The following PAIP2B variants were observed in gnomAD, a reference collection of about 807,000 sequenced individuals.
The protein encoded by PAIP2B is polyadenylate-binding protein-interacting protein 2B.
PAIP2B carries 13 observed loss-of-function variants against 17.0 expected under a neutral mutation model. The ratio of observed to expected loss-of-function variants is 0.76; its 90% CI spans 0.50 to 1.22. The LOEUF is 1.22. PAIP2B is among the 50% of genes most tolerant of loss of function. PAIP2B has a pLI of 0.00. For synonymous variants in PAIP2B, 43 were observed against 48.7 expected (o/e 0.88, Z 0.48); for missense variants, 117 against 144.5 (o/e 0.81, Z 0.98).
At chr2:71,199,384 C>T (rs762275187) in intron 2 of PAIP2B, among the ~76,000 whole-genome samples, 24 of 147,714 alleles carry the variant, frequency 1.6e-4, no homozygotes, top group African/African-American at 5.3e-4. Context: ...AGACACCCAA[C>T]GGGAAAATGA....
At chr2:71,215,255 G>A (rs973964809) in intron 1 of PAIP2B, among the ~76,000 whole-genome samples, 1 of 151,842 alleles carries the variant, frequency 6.6e-6, no homozygotes, top group Non-Finnish European at 1.5e-5. Flanking sequence ...CCAAGATCGT[G>A]CCACCGTACT....
At chr2:71,216,980 T>C (rs566006624) in intron 1 of PAIP2B, among the ~76,000 whole-genome samples, 1 of 152,356 alleles carries the variant, frequency 6.6e-6, no homozygotes, top group South Asian at 2.1e-4. Context: ...ACTGCTCTGA[T>C]ACAAAACCAT....
At position 71,187,492 on chromosome 2, in the gene PAIP2B, A is replaced by G. The variant is rs114633839; in HGVS notation, c.*987T>C. On this transcript the variant is annotated 3_prime_UTR_variant, in exon 4 of 4. Coordinates refer to ENST00000244221, the MANE Select transcript of PAIP2B (RefSeq NM_020459.1). ...TGTCCTGAAAAATATTTCCTTAAAA[A>G]AGTGCATAAACTTGTCTGAGGGAAT... 6.6e-6 allele frequency: 1 copy of G among 152,198 alleles called. No individual in the cohort carries two copies. Among genetic ancestry groups the G allele is most frequent in the Non-Finnish European group, 1.5e-5 (1 of 68,034 alleles). 9.4% of individuals were successfully genotyped at this position (152,198 alleles called of 1,614,324 possible).
At chr2:71,216,528 C>T (rs770217034) in intron 1 of PAIP2B, among the ~76,000 whole-genome samples, 3 of 151,684 alleles carry the variant, frequency 2.0e-5, no homozygotes, top group Non-Finnish European at 4.4e-5. Flanking sequence ...TTTCTCATCC[C>T]AGACCAAAGA....
At chr2:71,224,173 A>G (rs1347422625) in intron 1 of PAIP2B, among the ~76,000 whole-genome samples, 1 of 152,250 alleles carries the variant, frequency 6.6e-6, no homozygotes, top group Non-Finnish European at 1.5e-5. Context: ...CTCTGGGGCC[A>G]TCTGGACGAG....
intron 2 of PAIP2B, among the ~76,000 whole-genome samples, chr2:71,201,036 T>A (rs925818057): frequency 6.7e-6 from 1 of 149,876 alleles, no homozygotes; most frequent in African/African-American, 2.5e-5. Flanking sequence ...TGTGTGTGTG[T>A]GTGTGTGTGA....
At position 71,185,031 on chromosome 2, in the gene PAIP2B, T is replaced by C. The variant is rs34938331; in HGVS notation, c.*3448A>G. The C allele has an allele frequency of 0.065, 9,912 of 152,216 alleles. 354 individuals carry two copies. Among genetic ancestry groups the C allele is most frequent in the African/African-American group, 0.087 (3,623 of 41,526 alleles). 9.4% of individuals were successfully genotyped at this position (152,216 alleles called of 1,614,324 possible). ...CCTGATGGTTCAGGAGCCTGGGCTG[T>C]CATTTGTCTACCTGGGGTTTGCAGC... On this transcript the variant is annotated 3_prime_UTR_variant, in exon 4 of 4. Coordinates refer to ENST00000244221, the MANE Select transcript of PAIP2B (RefSeq NM_020459.1).
intron 1 of PAIP2B, among the ~76,000 whole-genome samples, chr2:71,220,831 CTAA>C (rs1675564416): frequency 1.3e-5 from 2 of 152,174 alleles, no homozygotes; most frequent in African/African-American, 4.8e-5. Context: ...CCATATATTA[CTAA>C]TTATTCCTTT....
chr2:71,186,407 C>T lies in PAIP2B; in HGVS notation c.*2072G>A, dbSNP rs1359270358. 1 of 152,224 alleles carries T rather than the reference C, an allele frequency of 6.6e-6. No homozygotes were observed. The highest frequency in any genetic ancestry group is 2.4e-5 in the African/African-American group (1 of 41,450). 9.4% of individuals were successfully genotyped at this position (152,224 alleles called of 1,614,324 possible). On this transcript the variant is annotated 3_prime_UTR_variant, in exon 4 of 4. Transcript: ENST00000244221. ...TCTGAAGAAGACTAGAAATGCCAGC[C>T]CTCAGTGTCCATGCTAAACTGGCAG...
Position 71,226,975 on chromosome 2 carries a change from C to G in PAIP2B, c.-59G>C, listed in dbSNP as rs910681070. Reference sequence around the variant, plus strand: ...CTTCAGATCGTACTCTGCCACTCCTCCGAGAGCTTAAGCCGTTGCCGTAGA... The same window carrying G: ...CTTCAGATCGTACTCTGCCACTCCTGCGAGAGCTTAAGCCGTTGCCGTAGA... On this transcript the variant is annotated 5_prime_UTR_variant, in exon 1 of 4. Coordinates refer to ENST00000244221, the MANE Select transcript of PAIP2B (RefSeq NM_020459.1). 2 of 153,034 alleles carry G rather than the reference C, an allele frequency of 1.3e-5. No individual in the cohort carries two copies. The highest frequency in any genetic ancestry group is 4.8e-5 in the African/African-American group (2 of 41,466). 9.5% of individuals were successfully genotyped at this position (153,034 alleles called of 1,614,324 possible).
intron 1 of PAIP2B, among the ~76,000 whole-genome samples, chr2:71,215,165 G>T (rs1364478800): frequency 1.3e-5 from 2 of 152,060 alleles, no homozygotes; most frequent in Non-Finnish European, 2.9e-5. Context: ...CCTGGGACTG[G>T]CACTGATCTG....
At chr2:71,197,616 C>T (rs1384112707) in intron 2 of PAIP2B, among the ~76,000 whole-genome samples, 1 of 152,166 alleles carries the variant, frequency 6.6e-6, no homozygotes, top group Non-Finnish European at 1.5e-5. Context: ...TGTTTTCACA[C>T]TGCTGATAAA....
In PAIP2B at chr2:71,186,796, A is replaced by G. The variant is rs372628804; in HGVS notation, c.*1683T>C. On this transcript the variant is annotated 3_prime_UTR_variant, in exon 4 of 4. Transcript: ENST00000244221. ...TGCAAGTTCTCTAAGCTACTCTCCT[A>G]TGACATGTGACCTAACAAGGAAGGC... The G allele has an allele frequency of 2.8e-4, 42 of 152,342 alleles. No individual in the cohort carries two copies. The highest frequency in any genetic ancestry group is 1.0e-3 in the African/African-American group (42 of 41,572). The allele number at this position is 152,342 out of a possible 1,614,324, so 9.4% of individuals were successfully genotyped here.
chr2:71,205,739 A>G (rs887761542), intron 1 of PAIP2B, among the ~76,000 whole-genome samples: 2 of 152,220 alleles, frequency 1.3e-5, no homozygotes, highest in African/African-American at 4.8e-5. Context: ...ATTTCACTTG[A>G]TCCTCATCCA....
At chr2:71,197,343 C>A (rs1238078971) in intron 2 of PAIP2B, among the ~76,000 whole-genome samples, 1 of 152,130 alleles carries the variant, frequency 6.6e-6, no homozygotes, top group Non-Finnish European at 1.5e-5. Context: ...ATATAGTCCC[C>A]CAGTCTCTTC....
At chr2:71,193,149 T>G (rs112348830) in intron 2 of PAIP2B, among the ~76,000 whole-genome samples, 5 of 152,304 alleles carry the variant, frequency 3.3e-5, no homozygotes, top group African/African-American at 1.2e-4. Context: ...TGGTGTGAAA[T>G]TGTATCTCAT....
intron 1 of PAIP2B, among the ~76,000 whole-genome samples, chr2:71,205,779 G>GA (rs1675110644): frequency 6.6e-6 from 1 of 152,172 alleles, no homozygotes; most frequent in Non-Finnish European, 1.5e-5. Context: ...GTGTAGTGAG[G>GA]ACAAAGAAAA....
intron 1 of PAIP2B, among the ~76,000 whole-genome samples, chr2:71,221,720 C>T (rs1675585417): frequency 6.6e-6 from 1 of 152,176 alleles, no homozygotes. Flanking sequence ...AGAAACTCTC[C>T]AAAGGGTTCT....
chr2:71,191,538 G>A (rs1035758971), intron 2 of PAIP2B, among the ~76,000 whole-genome samples: 3 of 152,222 alleles, frequency 2.0e-5, no homozygotes, highest in African/African-American at 7.2e-5. Flanking sequence ...GGAAATTGCT[G>A]TCTGTCCCCT....
Sources: allele counts gnomAD v4.1 joint callset (sites outside exome capture counted in the v4.1 genomes callset), GRCh38; gene constraint gnomAD v4.1.1; transcripts MANE v1.5; gene names NCBI Gene and HGNC (gene_info 2026-07-23, HGNC 2026-07-21).